The following PRG4 variants were observed in gnomAD, a reference collection of about 807,000 sequenced individuals.
The protein encoded by PRG4 is proteoglycan 4.
In PRG4, 61 loss-of-function variants were observed where a neutral mutation model predicts 91.2. The observed-to-expected ratio is 0.67, with a 90% CI of 0.54 to 0.83. The LOEUF is 0.83. Among genes scored for constraint, PRG4 ranks in the 40% least tolerant of loss-of-function variants. The pLI, the probability that PRG4 is intolerant of heterozygous loss-of-function variation, is 0.00. For missense variants in PRG4, 1,564 were observed against 1,714.2 expected (o/e 0.91, Z 1.55); for synonymous variants, 576 against 614.2 (o/e 0.94, Z 0.92).
intron 6 of PRG4, 126 bp downstream of exon 6, chr1:186,305,048 T>C: frequency 9.1e-7 from 1 of 1,102,254 alleles, no homozygotes; most frequent in Non-Finnish European, 1.3e-6. Flanking sequence ...TTTATGAATA[T>C]TATCTTAGAA....
rs773721703 is a variant in PRG4, at chr1:186,296,968, A to G, written c.76+17A>G. ...CATCTCAAGGTAGCTTAACCATCGA[A>G]CATACTTTTATTTAACAACTATTGC... On this transcript the variant is annotated intron_variant, in intron 2 of 12. Transcript: ENST00000445192. 4.4e-6 allele frequency: 7 copies of G among 1,597,148 alleles called. No homozygotes were observed. Among genetic ancestry groups the G allele is most frequent in the South Asian group, 3.3e-5 (3 of 90,708 alleles).
chr1:186,297,593 A>G (rs947250466), intron 2 of PRG4, among the ~76,000 whole-genome samples: 33 of 152,338 alleles, frequency 2.2e-4, no homozygotes, highest in African/African-American at 7.5e-4. Flanking sequence ...AGAGACTGTT[A>G]AAGTACATTC....
intron 6 of PRG4, among the ~76,000 whole-genome samples, chr1:186,306,046 G>C (rs140229881): frequency 1.2e-4 from 19 of 152,234 alleles, no homozygotes; most frequent in African/African-American, 4.6e-4. Context: ...GTTATTTATC[G>C]TGTTGGTAAT....
At chr1:186,309,218 T>G (rs973719771) in intron 7 of PRG4, 78 bp downstream of exon 7, 13 of 1,393,674 alleles carry the variant, frequency 9.3e-6, no homozygotes, top group Non-Finnish European at 1.2e-5. Context: ...TGCCTTAGTT[T>G]AGTATCACTC....
chr1:186,308,414 C>G lies in PRG4; in HGVS notation c.2695C>G (p.Pro899Ala). Reference protein sequence around the residue: ...LENSPKEPGVPTTKTPAATKP... With the variant: ...LENSPKEPGVATTKTPAATKP... ...AAACAGTCCCAAGGAACCTGGTGTA[C>G]CTACAACTAAGACTCCTGCAGCGAC... Residue 899 changes from proline to alanine, a missense_variant, in exon 7 of 13, where the codon CCT becomes GCT. Pro to Ala is a conservative substitution (Grantham distance 27). Around this residue, in one of 3 missense-constraint regions of PRG4, gnomAD observed 1,079 missense variants for 1,162.2 expected, o/e 0.93. Transcript: ENST00000445192. 1 of 1,613,876 alleles carries G rather than the reference C, an allele frequency of 6.2e-7. No homozygotes were observed.
At chr1:186,313,546 G>C (rs532342571) in intron 12 of PRG4, 135 bp from the exon 13 acceptor site, 74 of 614,640 alleles carry the variant, frequency 1.2e-4, no homozygotes, top group African/African-American at 9.1e-4. Flanking sequence ...TTGTTATAAA[G>C]TTCAAATTAA....
Position 186,314,059 on chromosome 1 carries a change from T to A in PRG4, c.*281T>A. The A allele has an allele frequency of 6.3e-7, 1 of 1,594,010 alleles. No homozygotes were observed. The highest frequency in any genetic ancestry group is 8.5e-7 in the Non-Finnish European group (1 of 1,170,178). Reference sequence around the variant, plus strand: ...AGAAAAAAGAATCAAATTGAATATATCTTTTAAGAATTCAAAACTAGTGTA... The same window carrying A: ...AGAAAAAAGAATCAAATTGAATATAACTTTTAAGAATTCAAAACTAGTGTA... On this transcript the variant is annotated 3_prime_UTR_variant, in exon 13 of 13. Transcript: ENST00000445192.
chr1:186,308,750 G>A lies in PRG4; in HGVS notation c.3031G>A (p.Ala1011Thr). 1 of 1,613,664 alleles carries A rather than the reference G, an allele frequency of 6.2e-7. No individual in the cohort carries two copies. Among genetic ancestry groups the A allele is most frequent in the Non-Finnish European group, 8.5e-7 (1 of 1,179,968 alleles). Residue 1011 changes from alanine to threonine, a missense_variant, in exon 7 of 13, where the codon GCT becomes ACT. Ala to Thr is a moderately conservative substitution (Grantham distance 58, BLOSUM62 0). Coordinates refer to ENST00000445192, the MANE Select transcript of PRG4 (RefSeq NM_005807.6). ...PEETAKPKDR[A>T]TNSKATTPKP... ...AGAAACAGCTAAACCAAAAGACAGA[G>A]CTACTAATTCTAAAGCGACAACTCC...
At chr1:186,310,008 C>T (rs535426174) in intron 8 of PRG4, 138 bp downstream of exon 8, 41 of 724,518 alleles carry the variant, frequency 5.7e-5, no homozygotes, top group African/African-American at 3.2e-4. Flanking sequence ...CAGGAGAATC[C>T]GAGAGTAATA....
chr1:186,312,742 A>T lies in PRG4; in HGVS notation c.3992-27A>T, dbSNP rs776117124. On this transcript the variant is annotated intron_variant, in intron 11 of 12. Transcript: ENST00000445192. ...ATAGTACATTGCCTTTTAATCTGGT[A>T]TCTTTTATTAAACATGCCACTTACA... The T allele has an allele frequency of 2.5e-6, 4 of 1,608,994 alleles. No homozygotes were observed. In the African/African-American group the frequency reaches 5.3e-5, roughly 22 times the overall value.
chr1:186,307,072 T>A lies in PRG4; in HGVS notation c.1353T>A (p.Pro451=). The change falls in exon 7 of 13, where the codon CCT becomes CCA. Residue 451 remains proline, a synonymous_variant. Coordinates refer to ENST00000445192, the MANE Select transcript of PRG4 (RefSeq NM_005807.6). ...CTGCCCCAACTACCCCCAAGGAGCC[T>A]GCACCCACCACTCCCAAGGAGCCTA... ...KKPAPTTPKE[P]APTTPKEPTP... 7 of 1,516,362 alleles carry A rather than the reference T, an allele frequency of 4.6e-6. No individual in the cohort carries two copies. The highest frequency in any genetic ancestry group is 5.3e-6 in the Non-Finnish European group (6 of 1,133,308). 93.9% of individuals were successfully genotyped at this position (1,516,362 alleles called of 1,614,324 possible). A position where few individuals can be genotyped will look rare whatever the true frequency, so the allele number is the denominator to read the frequency against.
chr1:186,305,444 A>T (rs1421252488), intron 6 of PRG4, among the ~76,000 whole-genome samples: 12 of 152,176 alleles, frequency 7.9e-5, no homozygotes, highest in Admixed American at 7.9e-4. Flanking sequence ...TCTAGTAGAG[A>T]CTGTGCTACA....
At position 186,308,766 on chromosome 1, in the gene PRG4, C is replaced by G; in HGVS notation, c.3047C>G (p.Ala1016Gly). The change falls in exon 7 of 13, where the codon GCG (alanine) becomes GGG (glycine). Residue 1016 changes from alanine to glycine, a missense_variant. Physicochemically the swap from Ala to Gly is moderately conservative, Grantham distance 60. Transcript: ENST00000445192. ...KPKDRATNSK[A>G]TTPKPQKPTK... ...AAAGACAGAGCTACTAATTCTAAAG[C>G]GACAACTCCTAAACCTCAAAAGCCA... The G allele has an allele frequency of 6.2e-7, 1 of 1,613,782 alleles. No individual in the cohort carries two copies.
At chr1:186,311,192 G>T in intron 9 of PRG4, 22 bp downstream of exon 9, 6 of 1,595,632 alleles carry the variant, frequency 3.8e-6, no homozygotes, top group Non-Finnish European at 3.4e-6. Flanking sequence ...ATCTTTGTGA[G>T]AGAAATTTAA....
chr1:186,306,240 G>C (rs1012606683), intron 6 of PRG4, 78 bp from the exon 7 acceptor site: 1 of 1,171,780 alleles, frequency 8.5e-7, no homozygotes, highest in Non-Finnish European at 1.2e-6. Context: ...ACTAGTCAAT[G>C]ATAAAGATGG....
Position 186,308,712 on chromosome 1 carries a change from T to C in PRG4, c.2993T>C (p.Met998Thr), listed in dbSNP as rs568910624. 6 of 1,613,402 alleles carry C rather than the reference T, an allele frequency of 3.7e-6. No individual in the cohort carries two copies. Among genetic ancestry groups the C allele is most frequent in the East Asian group, 2.2e-5 (1 of 44,858 alleles). The stretch of plus-strand genomic sequence containing the variant: ...AAGACAATTACTACCACTGAGATTA[T>C]GAACAAACCTGAAGAAACAGCTAAA... ...TKKTITTTEI[M>T]NKPEETAKPK... The change falls in exon 7 of 13, where the codon ATG becomes ACG. Residue 998 changes from methionine to threonine, a missense_variant. Met to Thr is a moderately conservative substitution (Grantham distance 81, BLOSUM62 -1). Transcript: ENST00000445192.
intron 12 of PRG4, 66 bp from the exon 13 acceptor site, chr1:186,313,613 CAT>C: frequency 1.1e-6 from 1 of 912,968 alleles, no homozygotes; most frequent in South Asian, 1.3e-5. Context: ...TAATAGTCAA[CAT>C]AAGTTATTTT....
rs944576917 is a variant in PRG4, at chr1:186,304,384, A to C, written c.469+127A>C. On this transcript the variant is annotated intron_variant, in intron 5 of 12. Transcript: ENST00000445192. The stretch of plus-strand genomic sequence containing the variant: ...GAATCATGAGCCTCATTACACTCGA[A>C]GGTTTTAGACTTTGCTTTTAAGTAA... The C allele has an allele frequency of 6.1e-6, 7 of 1,152,966 alleles. No homozygotes were observed. In the African/African-American group the frequency reaches 9.3e-5, roughly 15 times the overall value. The allele number at this position is 1,152,966 out of a possible 1,614,324, so 71.4% of individuals were successfully genotyped here.
rs1194927514 is a variant in PRG4 at position 186,300,146 on chromosome 1, C to T, written c.132C>T (p.Cys44=). 1 of 1,613,910 alleles carries T rather than the reference C, an allele frequency of 6.2e-7. No homozygotes were observed. Among genetic ancestry groups the T allele is most frequent in the Non-Finnish European group, 8.5e-7 (1 of 1,179,910 alleles). ...CGEGYSRDAT[C]NCDYNCQHYM... The stretch of plus-strand genomic sequence containing the variant: ...AAGGGTATTCTAGAGATGCCACCTG[C>T]AACTGTGATTATAACTGTCAACACT... Residue 44 remains cysteine, a synonymous_variant, in exon 3 of 13, where the codon TGC becomes TGT. Transcript: ENST00000445192.
Sources: gnomAD v4.1 joint callset for allele counts (sites outside exome capture counted in the v4.1 genomes callset) on GRCh38, gnomAD v4.1.1 for gene constraint, gnomAD v4.1.1 regional missense constraint, MANE v1.5 for transcripts, NCBI Gene and HGNC (gene_info 2026-07-23, HGNC 2026-07-21) for gene names.